Variants in MADCAM1 observed in about 807,000 individuals in gnomAD.
The protein encoded by MADCAM1 is mucosal addressin cell adhesion molecule 1.
A neutral mutation model predicts 26.1 loss-of-function variants in MADCAM1; 19 were observed. The observed-to-expected ratio is 0.73, with a 90% confidence interval of 0.51 to 1.07. The LOEUF (loss-of-function observed/expected upper bound fraction) is 1.07. Among genes scored for constraint, MADCAM1 ranks in the 50% least tolerant of loss-of-function variants. MADCAM1 has a pLI of 0.00. For synonymous variants in MADCAM1, 268 were observed against 260.9 expected (o/e 1.03, Z -0.26); for missense variants, 514 against 542.1 (o/e 0.95, Z 0.51).
At chr19:501,410 G>T (rs1408889747) in intron 3 of MADCAM1, 1 of 337,364 alleles carries the variant, frequency 3.0e-6, no homozygotes, top group Non-Finnish European at 5.1e-6. Flanking sequence ...GCTTGAACCT[G>T]AGGAGCGGAG....
At position 499,502 on chromosome 19, in the gene MADCAM1, G is replaced by A. The variant is rs769726201; in HGVS notation, c.667+677G>A. 5.3e-5 allele frequency among the ~76,000 whole-genome samples: 8 copies of A among 151,898 alleles called. No individual in the cohort carries two copies. The East Asian group carries it at 9.7e-4, about 18-fold the overall frequency. On this transcript the variant is annotated intron_variant, in intron 3 of 4. Transcript: ENST00000215637. ...CACACAAGCACACACGGGAACAAAC[G>A]CACACACCCACACGCGTGTACAAAC...
In MADCAM1 at chr19:498,727, G is replaced by A. The variant is rs1187192249; in HGVS notation, c.569G>A (p.Arg190Gln). The A allele has an allele frequency of 3.4e-6, 5 of 1,457,504 alleles. No homozygotes were observed. Among genetic ancestry groups the A allele is most frequent in the African/African-American group, 1.4e-5 (1 of 69,596 alleles). The allele number at this position is 1,457,504 out of a possible 1,614,324, so 90.3% of individuals were successfully genotyped here. The change falls in exon 3 of 5, where the codon CGG becomes CAG. Residue 190 changes from arginine to glutamine, a missense_variant. By Grantham distance (43) the Arg-to-Gln change is conservative. This residue lies in a region of MADCAM1 where 317 missense variants were observed against 313.6 expected (regional missense o/e 1.01). Coordinates refer to ENST00000215637, the MANE Select transcript of MADCAM1 (RefSeq NM_130760.3). Reference sequence around the variant, plus strand: ...CTGTTCAGGGTGACAGAGCGCTGGCGGCTGCCGCCCCTGGGGACCCCTGTC... The same window carrying A: ...CTGTTCAGGGTGACAGAGCGCTGGCAGCTGCCGCCCCTGGGGACCCCTGTC... ...DVLFRVTERW[R>Q]LPPLGTPVPP...
chr19:498,784 G>C lies in MADCAM1; in HGVS notation c.626G>C (p.Arg209Thr), dbSNP rs1217344910. The change falls in exon 3 of 5, where the codon AGG becomes ACG. Residue 209 changes from arginine (R) to threonine (T), a missense_variant. Physicochemically the swap from Arg to Thr is moderately conservative, Grantham distance 71. Around this residue, in one of 3 missense-constraint regions of MADCAM1, gnomAD observed 317 missense variants for 313.6 expected, o/e 1.01. Transcript: ENST00000215637. ...GCCCTCTACTGCCAGGCCACGATGA[G>C]GCTGCCTGGCTTGGAGCTCAGCCAC... ...PPALYCQATM[R>T]LPGLELSHRQ... 1 of 1,505,104 alleles carries C rather than the reference G, an allele frequency of 6.6e-7. No individual in the cohort carries two copies. The highest frequency in any genetic ancestry group is 1.4e-5 in the African/African-American group (1 of 70,676). The allele number at this position is 1,505,104 out of a possible 1,614,324, so 93.2% of individuals were successfully genotyped here.
chr19:496,566 G>T lies in MADCAM1; in HGVS notation c.52+15G>T. 1 of 1,297,286 alleles carries T rather than the reference G, an allele frequency of 7.7e-7. No homozygotes were observed. The highest frequency in any genetic ancestry group is 9.8e-7 in the Non-Finnish European group (1 of 1,016,256). 80.4% of individuals were successfully genotyped at this position (1,297,286 alleles called of 1,614,324 possible). On this transcript the variant is annotated intron_variant, in intron 1 of 4. Coordinates refer to ENST00000215637, the MANE Select transcript of MADCAM1 (RefSeq NM_130760.3). ...GCTCCTCCTCGGTGAGAAGGGGAGG[G>T]GGCGCGGGAGAGAGGAGTGAGTTAG...
rs1386128272 is a variant in MADCAM1, at chr19:498,742, G to T, written c.584G>T (p.Gly195Val). 1 of 1,466,670 alleles carries T rather than the reference G, an allele frequency of 6.8e-7. No individual in the cohort carries two copies. 90.9% of individuals were successfully genotyped at this position (1,466,670 alleles called of 1,614,324 possible). The change falls in exon 3 of 5, where the codon GGG becomes GTG. Residue 195 changes from glycine to valine, a missense_variant. By Grantham distance (109) the Gly-to-Val change is moderately radical. Coordinates refer to ENST00000215637, the MANE Select transcript of MADCAM1 (RefSeq NM_130760.3). ...GAGCGCTGGCGGCTGCCGCCCCTGG[G>T]GACCCCTGTCCCGCCCGCCCTCTAC... ...VTERWRLPPL[G>V]TPVPPALYCQ...
chr19:501,749 G>A lies in MADCAM1; in HGVS notation c.748G>A (p.Asp250Asn), dbSNP rs201782118. 45 of 1,575,248 alleles carry A rather than the reference G, an allele frequency of 2.9e-5. No individual in the cohort carries two copies. The East Asian group carries it at 7.0e-4, about 24-fold the overall frequency. Reference protein sequence around the residue: ...SPDTTSPESPDTTSQEPPDTT... With the variant: ...SPDTTSPESPNTTSQEPPDTT... ...CGACACCACCTCCCCGGAGTCTCCC[G>A]ACACCACCTCCCAGGAGCCTCCCGA... The change falls in exon 4 of 5, where the codon GAC (aspartate) becomes AAC (asparagine). Residue 250 changes from aspartate (D) to asparagine (N), a missense_variant. Physicochemically the swap from Asp to Asn is conservative, Grantham distance 23. Around this residue, in one of 3 missense-constraint regions of MADCAM1, gnomAD observed 45 missense variants for 91.8 expected, o/e 0.49. Coordinates refer to ENST00000215637, the MANE Select transcript of MADCAM1 (RefSeq NM_130760.3).
Position 501,666 on chromosome 19 carries a change from C to T in MADCAM1, c.668-3C>T, listed in dbSNP as rs200958620. The stretch of plus-strand genomic sequence containing the variant: ...GAAAAAAAAACCCTCACTCTGTTTC[C>T]AGTCCTGCACAGCCCGACCTCCCCG... On this transcript the variant is annotated splice_polypyrimidine_tract_variant and splice_region_variant and intron_variant, in intron 3 of 4. Transcript: ENST00000215637. 1 of 1,600,492 alleles carries T rather than the reference C, an allele frequency of 6.2e-7. No homozygotes were observed. Among genetic ancestry groups the T allele is most frequent in the Non-Finnish European group, 8.5e-7 (1 of 1,174,952 alleles).
intron 3 of MADCAM1, chr19:499,182 G>T: frequency 1.9e-6 from 1 of 515,286 alleles, no homozygotes. Context: ...GGGCCTCCTC[G>T]CCTCCTCGCT....
At chr19:502,677 G>A (rs1340311759) in intron 4 of MADCAM1, among the ~76,000 whole-genome samples, 2 of 152,192 alleles carry the variant, frequency 1.3e-5, no homozygotes, top group Non-Finnish European at 2.9e-5. Flanking sequence ...AATTCTCTCA[G>A]CAAGGCCACT....
chr19:497,895 T>C lies in MADCAM1; in HGVS notation c.115T>C (p.Leu39=), dbSNP rs1420684450. The change falls in exon 2 of 5, where the codon TTG becomes CTG. Residue 39 remains leucine (L), a synonymous_variant. Transcript: ENST00000215637. ...CCCGGAGCCGGTGGTGGCCGTGGCC[T>C]TGGGCGCCTCGCGCCAGCTCACCTG... ...EPPEPVVAVA[L]GASRQLTCRL... is the part of the protein sequence containing the mutation. 4 of 1,364,830 alleles carry C rather than the reference T, an allele frequency of 2.9e-6. No homozygotes were observed. Among genetic ancestry groups the C allele is most frequent in the Non-Finnish European group, 3.8e-6 (4 of 1,066,366 alleles). The allele number at this position is 1,364,830 out of a possible 1,614,324, so 84.5% of individuals were successfully genotyped here.
At chr19:503,710 G>A (rs1978473319) in intron 4 of MADCAM1, among the ~76,000 whole-genome samples, 1 of 151,984 alleles carries the variant, frequency 6.6e-6, no homozygotes, top group Non-Finnish European at 1.5e-5. Context: ...AGGCTGCAGT[G>A]AGCTGAGATC....
intron 4 of MADCAM1, among the ~76,000 whole-genome samples, chr19:504,431 C>G (rs1200026828): frequency 1.3e-5 from 2 of 151,838 alleles, no homozygotes; most frequent in African/African-American, 4.8e-5. Flanking sequence ...GTCCAGCTAA[C>G]TTTGTATTTT....
chr19:500,024 C>G, intron 3 of MADCAM1: 1 of 453,974 alleles, frequency 2.2e-6, no homozygotes, highest in South Asian at 1.6e-5. Flanking sequence ...AGAGAGGAGG[C>G]TGGATTTGAG....
intron 3 of MADCAM1, chr19:500,253 G>T (rs1978314295): frequency 4.5e-6 from 2 of 448,082 alleles, no homozygotes; most frequent in African/African-American, 2.0e-5. Context: ...TGACAGTTGA[G>T]GAAACTGAGG....
rs142028506 is a variant in MADCAM1, at chr19:497,580, C to T, written c.53-253C>T. On this transcript the variant is annotated intron_variant, in intron 1 of 4. Transcript: ENST00000215637. ...GAAGTTGCGGGGCTCCGCGCGGCCC[C>T]CTGACCCGCAGCGAAACTGGCTCCA... 8.3e-3 allele frequency among the ~76,000 whole-genome samples: 1,254 copies of T among 151,368 alleles called. 25 individuals carry two copies. Among genetic ancestry groups the T allele is most frequent in the African/African-American group, 0.029 (1,183 of 41,114 alleles).
At chr19:496,747 G>A (rs1421685245) in intron 1 of MADCAM1, among the ~76,000 whole-genome samples, 196 bp downstream of exon 1, 4 of 9,706 alleles carry the variant, frequency 4.1e-4, no homozygotes, top group Non-Finnish European at 1.0e-3. Flanking sequence ...GAGAGGAGGG[G>A]CGCAGGAGAG....
Position 505,132 on chromosome 19 carries a change from G to A in MADCAM1, c.*167G>A. On this transcript the variant is annotated 3_prime_UTR_variant, in exon 5 of 5. Coordinates refer to ENST00000215637, the MANE Select transcript of MADCAM1 (RefSeq NM_130760.3). Reference sequence around the variant, plus strand: ...GGAGAAGCTCATCAGAAACTCAAAAGAAGGCCACTGTTTGTCTCACCTACC... The same window carrying A: ...GGAGAAGCTCATCAGAAACTCAAAAAAAGGCCACTGTTTGTCTCACCTACC... 1 of 555,518 alleles carries A rather than the reference G, an allele frequency of 1.8e-6. No individual in the cohort carries two copies. Among genetic ancestry groups the A allele is most frequent in the Non-Finnish European group, 3.1e-6 (1 of 321,172 alleles). 34.4% of individuals were successfully genotyped at this position (555,518 alleles called of 1,614,324 possible).
intron 1 of MADCAM1, among the ~76,000 whole-genome samples, chr19:497,355 CGG>C (rs1491111405): frequency 9.8e-5 from 3 of 30,672 alleles, no homozygotes; most frequent in Admixed American, 4.4e-4. Flanking sequence ...GGAGGGGGCC[CGG>C]GGGAGAGGAA....
At chr19:499,820 C>T in intron 3 of MADCAM1, 2 of 456,458 alleles carry the variant, frequency 4.4e-6, no homozygotes, top group Non-Finnish European at 8.8e-6. Flanking sequence ...GTGCTCCCTT[C>T]ACGCTCTGTC....
Sources: allele counts gnomAD v4.1 joint callset (sites outside exome capture counted in the v4.1 genomes callset), GRCh38; gene constraint gnomAD v4.1.1; regional missense constraint gnomAD v4.1.1; transcripts MANE v1.5; gene names NCBI Gene and HGNC (gene_info 2026-07-23, HGNC 2026-07-21).